DCAF6: variants seen among roughly 807,000 people sequenced by gnomAD.
DCAF6 encodes DDB1 and CUL4 associated factor 6.
A neutral mutation model predicts 125.1 loss-of-function variants in DCAF6; 54 were observed. The observed-to-expected ratio is 0.43, with a 90% confidence interval of 0.35 to 0.54. DCAF6 has a LOEUF of 0.54. Among genes scored for constraint, DCAF6 ranks in the 20% least tolerant of loss-of-function variants. The probability of loss-of-function intolerance (pLI) is 0.01; values close to 1 mark genes in which losing one functional copy is unlikely to be tolerated. For synonymous variants in DCAF6, 371 were observed against 390.4 expected (o/e 0.95, Z 0.58); for missense variants, 934 against 1,161.7 (o/e 0.80, Z 2.85).
chr1:167,911,812 G>A, the DCAF6 span, among the ~76,000 whole-genome samples: 1 of 152,184 alleles, frequency 6.6e-6, no homozygotes, highest in African/African-American at 2.4e-5. Flanking sequence ...AGATGAATTA[G>A]ATGATTGTTA....
intron 4 of DCAF6, among the ~76,000 whole-genome samples, chr1:167,985,319 T>C (rs1006966954): frequency 8.5e-5 from 13 of 152,188 alleles, no homozygotes; most frequent in African/African-American, 3.1e-4. Flanking sequence ...TAAGGTGTAC[T>C]GGGCTAAAAT....
chr1:167,883,487 C>G, the DCAF6 span: 1 of 1,614,122 alleles, frequency 6.2e-7, no homozygotes, highest in African/African-American at 1.3e-5. Flanking sequence ...ATCTTCAGGA[C>G]AGAAGTGATG....
intron 6 of DCAF6, among the ~76,000 whole-genome samples, chr1:167,992,043 T>G (rs1013334874): frequency 2.0e-5 from 3 of 152,186 alleles, no homozygotes; most frequent in South Asian, 2.1e-4. Context: ...TAAGAAAATT[T>G]AAAACAGTGA....
chr1:168,074,022 A>G (rs573562168), intron 21 of DCAF6, among the ~76,000 whole-genome samples: 1 of 150,354 alleles, frequency 6.7e-6, no homozygotes, highest in East Asian at 2.0e-4. Flanking sequence ...ACCTTTATAG[A>G]TCAGTAAGGA....
chr1:168,062,858 C>T (rs1691775365), intron 17 of DCAF6, among the ~76,000 whole-genome samples: 1 of 151,494 alleles, frequency 6.6e-6, no homozygotes, highest in Admixed American at 6.6e-5. Flanking sequence ...AATATGGAGT[C>T]CATAAAGAAG....
At chr1:167,877,681 T>C in the DCAF6 span, among the ~76,000 whole-genome samples, 2 of 152,022 alleles carry the variant, frequency 1.3e-5, no homozygotes, top group African/African-American at 2.4e-5. Context: ...TAGAAGCATA[T>C]GCTATAGGAG....
At chr1:167,961,110 G>A (rs2102788121) in intron 2 of DCAF6, among the ~76,000 whole-genome samples, 1 of 152,104 alleles carries the variant, frequency 6.6e-6, no homozygotes, top group South Asian at 2.1e-4. Context: ...TAATGTAATG[G>A]TATTGTGTTT....
At position 167,985,275 on chromosome 1, in the gene DCAF6, T is replaced by G. The variant is rs997711232; in HGVS notation, c.439-2220T>G. On this transcript the variant is annotated intron_variant, in intron 4 of 21. Transcript: ENST00000367840. ...CACGTGGCTTAAAGTAACAAATTTA[T>G]TATCTTACTGTTCTGGAAGTCAGAA... Among the ~76,000 whole-genome samples the G allele has an allele frequency of 3.9e-5, 6 of 152,196 alleles. No individual in the cohort carries two copies. The South Asian group carries it at 1.2e-3, about 32-fold the overall frequency.
chr1:168,045,358 A>G, intron 16 of DCAF6, 131 bp downstream of exon 16: 1 of 766,684 alleles, frequency 1.3e-6, no homozygotes, highest in East Asian at 2.7e-5. Context: ...TATAAACTTA[A>G]AGAAACTTTA....
At chr1:167,918,853 A>G in the DCAF6 span, among the ~76,000 whole-genome samples, 1 of 152,078 alleles carries the variant, frequency 6.6e-6, no homozygotes, top group African/African-American at 2.4e-5. Flanking sequence ...TCGGCCTCCC[A>G]AAGTGCTGGG....
At chr1:167,985,372 C>G (rs962589911) in intron 4 of DCAF6, among the ~76,000 whole-genome samples, 40 of 152,134 alleles carry the variant, frequency 2.6e-4, no homozygotes, top group African/African-American at 9.7e-4. Flanking sequence ...CTTGCCTTTT[C>G]CAGCTTCTAG....
At chr1:168,011,190 C>T (rs1684236586) in intron 10 of DCAF6, among the ~76,000 whole-genome samples, 1 of 146,986 alleles carries the variant, frequency 6.8e-6, no homozygotes, top group South Asian at 2.1e-4. Context: ...GACCTCGGCT[C>T]ACTGCAACCT....
At chr1:168,004,416 C>A in intron 9 of DCAF6, 117 bp from the exon 10 acceptor site, 1 of 1,174,912 alleles carries the variant, frequency 8.5e-7, no homozygotes, top group East Asian at 2.4e-5. Context: ...GTTATTATCA[C>A]TGAAATTATA....
chr1:167,910,606 G>T, the DCAF6 span, among the ~76,000 whole-genome samples: 5 of 152,196 alleles, frequency 3.3e-5, no homozygotes, highest in Non-Finnish European at 4.4e-5. Flanking sequence ...TTCATGGGAA[G>T]TATGCAGTGG....
At chr1:167,869,278 A>T in the DCAF6 span, among the ~76,000 whole-genome samples, 1 of 152,200 alleles carries the variant, frequency 6.6e-6, no homozygotes, top group Non-Finnish European at 1.5e-5. Flanking sequence ...AATGATAAAA[A>T]GCTTCATTGC....
intron 6 of DCAF6, 76 bp from the exon 7 acceptor site, chr1:167,993,146 ATAAT>A: frequency 8.3e-7 from 1 of 1,202,026 alleles, no homozygotes; most frequent in Non-Finnish European, 1.2e-6. Flanking sequence ...GTCACATGTA[ATAAT>A]TCAGATTAAG....
chr1:168,005,951 T>G (rs1428236160), intron 10 of DCAF6, among the ~76,000 whole-genome samples: 2 of 152,106 alleles, frequency 1.3e-5, no homozygotes, highest in Non-Finnish European at 2.9e-5. Context: ...TTTTGGAAGA[T>G]TTGGGAATTA....
intron 17 of DCAF6, chr1:168,056,236 C>G: frequency 6.2e-7 from 1 of 1,612,412 alleles, no homozygotes; most frequent in Middle Eastern, 1.8e-4. Context: ...ATGCCATTTT[C>G]TGTTGTTACC....
At chr1:167,920,735 A>G in the DCAF6 span, 4 of 1,156,766 alleles carry the variant, frequency 3.5e-6, no homozygotes, top group Non-Finnish European at 4.8e-6. Flanking sequence ...GTAAGTTAGC[A>G]GCTATAATTT....
Sources: allele counts gnomAD v4.1 joint callset (sites outside exome capture counted in the v4.1 genomes callset), GRCh38; gene constraint gnomAD v4.1.1; transcripts MANE v1.5; gene names NCBI Gene and HGNC (gene_info 2026-07-23, HGNC 2026-07-21).